AGBL4: variants seen among roughly 807,000 people sequenced by gnomAD.
The protein encoded by AGBL4 is cytosolic carboxypeptidase 6.
A neutral mutation model predicts 66.4 loss-of-function variants in AGBL4; 58 were observed. The observed-to-expected ratio is 0.87, with a 90% confidence interval of 0.71 to 1.09. The LOEUF (loss-of-function observed/expected upper bound fraction) is 1.09. Ranked by LOEUF, AGBL4 falls within the 50% of genes least tolerant of loss-of-function variation. The pLI is 0.00. For synonymous variants in AGBL4, 234 were observed against 222.9 expected (o/e 1.05, Z -0.44); for missense variants, 579 against 631.0 (o/e 0.92, Z 0.88).
At chr1:49,150,222 A>G (rs1646300822) in intron 4 of AGBL4, among the ~76,000 whole-genome samples, 1 of 152,168 alleles carries the variant, frequency 6.6e-6, no homozygotes, top group Non-Finnish European at 1.5e-5. Context: ...ATAAAGGAAA[A>G]TATCTGAGGA....
intron 3 of AGBL4, among the ~76,000 whole-genome samples, chr1:49,280,169 C>T (rs950139431): frequency 6.6e-6 from 1 of 152,054 alleles, no homozygotes; most frequent in African/African-American, 2.4e-5. Flanking sequence ...GACCATTTCC[C>T]ACACCCCTAT....
chr1:49,701,905 T>TAGGAA (rs1647101677), intron 2 of AGBL4, among the ~76,000 whole-genome samples: 2 of 152,228 alleles, frequency 1.3e-5, no homozygotes, highest in African/African-American at 2.4e-5. Flanking sequence ...TAACTATACT[T>TAGGAA]ATATCAGACA....
chr1:49,273,214 G>C (rs1343806858), intron 3 of AGBL4, among the ~76,000 whole-genome samples: 1 of 151,836 alleles, frequency 6.6e-6, no homozygotes, highest in Non-Finnish European at 1.5e-5. Flanking sequence ...TTGGTCATTG[G>C]CTCTAAATCT....
intron 6 of AGBL4, among the ~76,000 whole-genome samples, chr1:48,852,722 T>C (rs748561992): frequency 6.6e-6 from 1 of 151,118 alleles, no homozygotes; most frequent in Non-Finnish European, 1.5e-5. Flanking sequence ...TGTTTATTCA[T>C]GGAAAAAATG....
At chr1:49,208,261 C>T (rs771041894) in intron 4 of AGBL4, among the ~76,000 whole-genome samples, 1 of 151,996 alleles carries the variant, frequency 6.6e-6, no homozygotes. Context: ...GACTTGAAAG[C>T]CCATGCTTTT....
At chr1:49,513,583 A>C (rs1649476046) in intron 3 of AGBL4, among the ~76,000 whole-genome samples, 1 of 151,972 alleles carries the variant, frequency 6.6e-6, no homozygotes, top group Non-Finnish European at 1.5e-5. Flanking sequence ...GCTTCAAAGG[A>C]CATGATGATT....
intron 1 of AGBL4, among the ~76,000 whole-genome samples, chr1:49,897,061 T>C (rs1649297615): frequency 6.6e-6 from 1 of 152,064 alleles, no homozygotes; most frequent in Admixed American, 6.5e-5. Context: ...AAGACAAGGA[T>C]GCCCACTTTC....
intron 4 of AGBL4, among the ~76,000 whole-genome samples, chr1:49,142,339 C>CA (rs924114088): frequency 1.2e-4 from 18 of 150,900 alleles, no homozygotes; most frequent in South Asian, 8.4e-4. Flanking sequence ...TCCTCCTTCT[C>CA]AAAAAAAAAC....
chr1:49,131,320 A>G (rs1645891152), intron 4 of AGBL4, among the ~76,000 whole-genome samples: 1 of 152,094 alleles, frequency 6.6e-6, no homozygotes, highest in African/African-American at 2.4e-5. Flanking sequence ...GGTGGTGATT[A>G]CATGGGTCTA....
chr1:49,031,686 G>T (rs759555912), intron 5 of AGBL4, among the ~76,000 whole-genome samples: 2 of 152,124 alleles, frequency 1.3e-5, no homozygotes, highest in Non-Finnish European at 2.9e-5. Context: ...AGGGGGAAAA[G>T]GAAGTTCTCT....
At position 49,860,773 on chromosome 1, in the gene AGBL4, A is replaced by AC. The variant is rs371081158; in HGVS notation, c.35-9256_35-9255insG. On this transcript the variant is annotated intron_variant, in intron 1 of 13. Coordinates refer to ENST00000371839, the MANE Select transcript of AGBL4 (RefSeq NM_032785.4). ...TAAATTATCCCCTTCCCCAGCAAAAAAAAAAACAAAAAACAAAAAACAAGT... is the reference window on the plus strand; with the variant it reads ...TAAATTATCCCCTTCCCCAGCAAAAACAAAAAACAAAAAACAAAAAACAAGT... 2.6e-3 allele frequency among the ~76,000 whole-genome samples: 392 copies of AC among 150,616 alleles called. 5 individuals are homozygous for AC. The highest frequency in any genetic ancestry group is 9.0e-3 in the African/African-American group (368 of 40,882).
intron 1 of AGBL4, among the ~76,000 whole-genome samples, chr1:49,929,054 T>C (rs1173158697): frequency 6.6e-6 from 1 of 152,068 alleles, no homozygotes. Context: ...CCTGAGCAAA[T>C]TAATGCAGAT....
intron 4 of AGBL4, among the ~76,000 whole-genome samples, chr1:49,111,629 T>A (rs1645413625): frequency 6.6e-6 from 1 of 152,258 alleles, no homozygotes; most frequent in African/African-American, 2.4e-5. Context: ...TGATAAGTTA[T>A]AATAGCTTAT....
At chr1:48,842,949 A>G (rs1360054040) in intron 6 of AGBL4, among the ~76,000 whole-genome samples, 1 of 152,178 alleles carries the variant, frequency 6.6e-6, no homozygotes, top group Non-Finnish European at 1.5e-5. Context: ...AATTCCACTC[A>G]CATGAGATAT....
chr1:48,681,848 A>T (rs1237158924), intron 6 of AGBL4, among the ~76,000 whole-genome samples: 2 of 152,218 alleles, frequency 1.3e-5, no homozygotes, highest in African/African-American at 4.8e-5. Flanking sequence ...CTGAGTGAGG[A>T]GACAACAGGC....
At chr1:49,023,516 T>C (rs926776745) in intron 5 of AGBL4, among the ~76,000 whole-genome samples, 1 of 152,150 alleles carries the variant, frequency 6.6e-6, no homozygotes, top group Non-Finnish European at 1.5e-5. Flanking sequence ...AATACTATGA[T>C]TTTAAGATTT....
At chr1:48,793,735 T>C (rs905945526) in intron 6 of AGBL4, among the ~76,000 whole-genome samples, 8 of 152,106 alleles carry the variant, frequency 5.3e-5, no homozygotes, top group Non-Finnish European at 4.4e-5. Context: ...ATTGAAGGGG[T>C]ATCTGAATTA....
At chr1:49,394,516 A>G (rs1395205249) in intron 3 of AGBL4, among the ~76,000 whole-genome samples, 2 of 152,126 alleles carry the variant, frequency 1.3e-5, no homozygotes, top group Non-Finnish European at 2.9e-5. Context: ...CTGTTGCCTC[A>G]TATTTCAGAC....
At chr1:49,518,494 TA>T (rs1179143854) in intron 3 of AGBL4, among the ~76,000 whole-genome samples, 3 of 114,504 alleles carry the variant, frequency 2.6e-5, no homozygotes, top group African/African-American at 1.1e-4. Context: ...GAATCTGCTG[TA>T]GCCTTTGAAA....
Sources: gnomAD v4.1 joint callset for allele counts (sites outside exome capture counted in the v4.1 genomes callset) on GRCh38, gnomAD v4.1.1 for gene constraint, MANE v1.5 for transcripts, NCBI Gene and HGNC (gene_info 2026-07-23, HGNC 2026-07-21) for gene names.